Variants in ASB13 observed in about 807,000 individuals in gnomAD.
The protein encoded by ASB13 is ankyrin repeat and SOCS box containing 13, also known as ankyrin repeat and SOCS box protein 13.
A neutral mutation model predicts 28.8 loss-of-function variants in ASB13; 33 were observed. The observed-to-expected ratio is 1.15, with a 90% CI of 0.87 to 1.53. The LOEUF is 1.53. Ranked by LOEUF, ASB13 falls within the 40% of genes most tolerant of loss-of-function variation. The probability of loss-of-function intolerance (pLI) is 0.00; values close to 1 mark genes in which losing one functional copy is unlikely to be tolerated. For missense variants in ASB13, 414 were observed against 390.1 expected (o/e 1.06, Z -0.52); for synonymous variants, 182 against 172.9 (o/e 1.05, Z -0.41).
chr10:5,647,745 TA>T (rs1025255755), intron 4 of ASB13, among the ~76,000 whole-genome samples: 4 of 152,162 alleles, frequency 2.6e-5, no homozygotes, highest in Admixed American at 2.6e-4. Flanking sequence ...GTGTTACAGA[TA>T]TGTAAACTGA....
In ASB13 at chr10:5,649,590, ATC is replaced by A. The variant is rs1447354892; in HGVS notation, c.383-488_383-487del. Among the ~76,000 whole-genome samples the A allele has an allele frequency of 1.3e-5, 2 of 149,262 alleles. No individual in the cohort carries two copies. The highest frequency in any genetic ancestry group is 3.0e-5 in the Non-Finnish European group (2 of 67,564). Reference sequence around the variant, plus strand: ...GCCCAGGATGGAATGCAGTGGTGCGATCTCAGCTCACTACAACCGCCATCTCC... The same window carrying A: ...GCCCAGGATGGAATGCAGTGGTGCGATCAGCTCACTACAACCGCCATCTCC... On this transcript the variant is annotated intron_variant, in intron 3 of 5. Coordinates refer to ENST00000357700, the MANE Select transcript of ASB13 (RefSeq NM_024701.4). The surrounding 1 kb of genome is among the most constrained non-coding windows in gnomAD (Gnocchi z 6.4).
At position 5,651,518 on chromosome 10, in the gene ASB13, A is replaced by G; in HGVS notation, c.232-155T>C. On this transcript the variant is annotated intron_variant, in intron 2 of 5. Coordinates refer to ENST00000357700, the MANE Select transcript of ASB13 (RefSeq NM_024701.4). This position sits in a 1 kb window ranked among gnomAD's most constrained non-coding sequence, Gnocchi z 5.1. ...AGGCAACGACACTGAAAGAGATAGCACGTGGCTGCGGAGCACCGACGGCCT... is the reference window on the plus strand; with the variant it reads ...AGGCAACGACACTGAAAGAGATAGCGCGTGGCTGCGGAGCACCGACGGCCT... 1 of 822,798 alleles carries G rather than the reference A, an allele frequency of 1.2e-6. No individual in the cohort carries two copies. Among genetic ancestry groups the G allele is most frequent in the Non-Finnish European group, 1.8e-6 (1 of 543,750 alleles). The allele number at this position is 822,798 out of a possible 1,614,324, so 51.0% of individuals were successfully genotyped here.
intron 1 of ASB13, among the ~76,000 whole-genome samples, chr10:5,662,728 G>A (rs771401993): frequency 8.0e-5 from 11 of 138,294 alleles, no homozygotes; most frequent in Non-Finnish European, 1.3e-4. Context: ...CACAAGTGAC[G>A]GTAAGGGAAT....
chr10:5,651,578 T>G lies in ASB13; in HGVS notation c.232-215A>C. On this transcript the variant is annotated intron_variant, in intron 2 of 5. Coordinates refer to ENST00000357700, the MANE Select transcript of ASB13 (RefSeq NM_024701.4). This position sits in a 1 kb window ranked among gnomAD's most constrained non-coding sequence, Gnocchi z 5.1. ...AGAAGTCATCTCGTTCAGGATTCTT[T>G]TCTCTCAGGGCAGGATAAGCTCAGC... is the stretch of plus-strand genomic sequence containing the variant. 1 of 538,680 alleles carries G rather than the reference T, an allele frequency of 1.9e-6. No individual in the cohort carries two copies. Among genetic ancestry groups the G allele is most frequent in the East Asian group, 3.4e-5 (1 of 29,020 alleles). 33.4% of individuals were successfully genotyped at this position (538,680 alleles called of 1,614,324 possible).
intron 4 of ASB13, among the ~76,000 whole-genome samples, chr10:5,643,305 T>C (rs1236931426): frequency 6.6e-6 from 1 of 152,188 alleles, no homozygotes; most frequent in Non-Finnish European, 1.5e-5. Context: ...ATTTTCTAGT[T>C]CCTCTAGCTC....
chr10:5,646,785 C>T (rs1017505283), intron 4 of ASB13, among the ~76,000 whole-genome samples: 2 of 152,098 alleles, frequency 1.3e-5, no homozygotes, highest in Non-Finnish European at 2.9e-5. Flanking sequence ...TACAACCACA[C>T]CAAACAGAAC....
rs544195096 is a variant in ASB13, at chr10:5,659,183, T to G, written c.44-6133A>C. Reference sequence around the variant, plus strand: ...CCCTGTGGTGGCAAGACGCCCCCCCTCCCCAATCCCTGCACCCTCTCCCTT... The same window carrying G: ...CCCTGTGGTGGCAAGACGCCCCCCCGCCCCAATCCCTGCACCCTCTCCCTT... On this transcript the variant is annotated intron_variant, in intron 1 of 5. Transcript: ENST00000357700. This position sits in a 1 kb window ranked among gnomAD's most constrained non-coding sequence, Gnocchi z 5.8. 1.3e-5 allele frequency among the ~76,000 whole-genome samples: 2 copies of G among 151,490 alleles called. No individual in the cohort carries two copies. Among genetic ancestry groups the G allele is most frequent in the African/African-American group, 4.9e-5 (2 of 41,222 alleles).
rs770008036 is a variant in ASB13, at chr10:5,652,061, C to CAA, written c.232-700_232-699dup. Among the ~76,000 whole-genome samples the CAA allele has an allele frequency of 3.9e-5, 5 of 127,018 alleles. No individual in the cohort carries two copies. The highest frequency in any genetic ancestry group is 1.2e-4 in the African/African-American group (4 of 34,566). The allele number at this position is 127,018 out of a possible 152,430, so 83.3% of individuals were successfully genotyped here. A position where few individuals can be genotyped will look rare whatever the true frequency, so the allele number is the denominator to read the frequency against. ...ACACACACACACACACACACACACA[C>CAA]AAAACTCTAACCTCAATGGAAGGAA... On this transcript the variant is annotated intron_variant, in intron 2 of 5. Transcript: ENST00000357700. The surrounding 1 kb of genome is among the most constrained non-coding windows in gnomAD (Gnocchi z 5.0).
In ASB13 at chr10:5,659,833, G is replaced by A. The variant is rs1227723382; in HGVS notation, c.43+6676C>T. ...CTGAATGAATAAGCACTCCCCAGACGCATCTTCCCCTGCCAGACTGAACTT... is the reference window on the plus strand; with the variant it reads ...CTGAATGAATAAGCACTCCCCAGACACATCTTCCCCTGCCAGACTGAACTT... On this transcript the variant is annotated intron_variant, in intron 1 of 5. Coordinates refer to ENST00000357700, the MANE Select transcript of ASB13 (RefSeq NM_024701.4). The surrounding 1 kb of genome is among the most constrained non-coding windows in gnomAD (Gnocchi z 5.8). 2.6e-5 allele frequency among the ~76,000 whole-genome samples: 4 copies of A among 152,110 alleles called. No homozygotes were observed. Among genetic ancestry groups the A allele is most frequent in the Non-Finnish European group, 5.9e-5 (4 of 68,002 alleles).
Position 5,659,454 on chromosome 10 carries a change from G to C in ASB13, c.44-6404C>G, listed in dbSNP as rs752349155. On this transcript the variant is annotated intron_variant, in intron 1 of 5. Coordinates refer to ENST00000357700, the MANE Select transcript of ASB13 (RefSeq NM_024701.4). The surrounding 1 kb of genome is among the most constrained non-coding windows in gnomAD (Gnocchi z 5.8). ...CACAGGCCCTGTCCCCAGGCTCCCC[G>C]TCATGCACACAGCCGTGTCCAGTGA... Among the ~76,000 whole-genome samples, 9 of 152,218 alleles carry C rather than the reference G, an allele frequency of 5.9e-5. No homozygotes were observed. Among genetic ancestry groups the C allele is most frequent in the African/African-American group, 2.2e-4 (9 of 41,524 alleles).
rs5013753 is a variant in ASB13, at chr10:5,664,668, A to C, written c.43+1841T>G. On this transcript the variant is annotated intron_variant, in intron 1 of 5. Transcript: ENST00000357700. This position sits in a 1 kb window ranked among gnomAD's most constrained non-coding sequence, Gnocchi z 4.2. ...TCCATAGGGAATGCAGAATTTCTTT[A>C]TTTCTTTATTTATTTATTTTATTTA... is the stretch of plus-strand genomic sequence containing the variant. Among the ~76,000 whole-genome samples the C allele has an allele frequency of 0.068, 10,366 of 152,018 alleles. 491 individuals carry two copies. The highest frequency in any genetic ancestry group is 0.17 in the Admixed American group (2,604 of 15,258).
Position 5,641,304 on chromosome 10 carries a change from G to T in ASB13, c.709+466C>A, listed in dbSNP as rs1188095652. On this transcript the variant is annotated intron_variant, in intron 5 of 5. Transcript: ENST00000357700. This position sits in a 1 kb window ranked among gnomAD's most constrained non-coding sequence, Gnocchi z 8.4. ...TTTAGTAGAGATGGGGTTTCATCAA[G>T]TTGGCCAGGCTGGTTTCGAACTCCT... 6.6e-6 allele frequency among the ~76,000 whole-genome samples: 1 copy of T among 152,104 alleles called. No individual in the cohort carries two copies. The highest frequency in any genetic ancestry group is 1.5e-5 in the Non-Finnish European group (1 of 68,020).
At position 5,664,503 on chromosome 10, in the gene ASB13, G is replaced by C. The variant is rs1226945812; in HGVS notation, c.43+2006C>G. On this transcript the variant is annotated intron_variant, in intron 1 of 5. Transcript: ENST00000357700. This position sits in a 1 kb window ranked among gnomAD's most constrained non-coding sequence, Gnocchi z 4.2. ...TCCCCACATAGCAAGTGGCTCAGCT[G>C]CAATATTCACAGTCACAATAATGTC... 2.2e-5 allele frequency among the ~76,000 whole-genome samples: 3 copies of C among 137,814 alleles called. No homozygotes were observed. The highest frequency in any genetic ancestry group is 7.8e-5 in the African/African-American group (3 of 38,428). The allele number at this position is 137,814 out of a possible 152,430, so 90.4% of individuals were successfully genotyped here.
rs1835146965 is a variant in ASB13, at chr10:5,660,771, C to T, written c.43+5738G>A. ...CAAGCCCCCCAATCTTGCATTCCAG[C>T]TCCAGTAACTCAATCCTTACCTAAG... On this transcript the variant is annotated intron_variant, in intron 1 of 5. Transcript: ENST00000357700. The surrounding 1 kb of genome is among the most constrained non-coding windows in gnomAD (Gnocchi z 6.1). Among the ~76,000 whole-genome samples the T allele has an allele frequency of 6.6e-6, 1 of 152,216 alleles. No individual in the cohort carries two copies. The highest frequency in any genetic ancestry group is 1.5e-5 in the Non-Finnish European group (1 of 68,028).
Position 5,656,263 on chromosome 10 carries a change from G to A in ASB13, c.44-3213C>T, listed in dbSNP as rs983981975. On this transcript the variant is annotated intron_variant, in intron 1 of 5. Coordinates refer to ENST00000357700, the MANE Select transcript of ASB13 (RefSeq NM_024701.4). This position sits in a 1 kb window ranked among gnomAD's most constrained non-coding sequence, Gnocchi z 4.3. Reference sequence around the variant, plus strand: ...TAAAACCAATTATAAAGTCTGACTGGTCAAGGTGGTTCAAGCCTGTAATCC... The same window carrying A: ...TAAAACCAATTATAAAGTCTGACTGATCAAGGTGGTTCAAGCCTGTAATCC... Among the ~76,000 whole-genome samples, 7 of 152,232 alleles carry A rather than the reference G, an allele frequency of 4.6e-5. No individual in the cohort carries two copies. Among genetic ancestry groups the A allele is most frequent in the African/African-American group, 1.7e-4 (7 of 41,456 alleles).
In ASB13 at chr10:5,639,157, G is replaced by A. The variant is rs1173467527; in HGVS notation, c.*1546C>T. 8 of 152,612 alleles carry A rather than the reference G, an allele frequency of 5.2e-5. No individual in the cohort carries two copies. The highest frequency in any genetic ancestry group is 1.9e-4 in the East Asian group (1 of 5,192). 9.5% of individuals were successfully genotyped at this position (152,612 alleles called of 1,614,324 possible). A position where few individuals can be genotyped will look rare whatever the true frequency, so the allele number is the denominator to read the frequency against. ...GAACGCTGGAGTAAAACCTCACGGCGGCCAGCATGAAGTTTTTCGCCAGAT... is the reference window on the plus strand; with the variant it reads ...GAACGCTGGAGTAAAACCTCACGGCAGCCAGCATGAAGTTTTTCGCCAGAT... On this transcript the variant is annotated 3_prime_UTR_variant, in exon 6 of 6. Transcript: ENST00000357700.
chr10:5,654,113 G>GGAC (rs1309062811), intron 1 of ASB13, among the ~76,000 whole-genome samples: 2 of 151,264 alleles, frequency 1.3e-5, no homozygotes, highest in Non-Finnish European at 2.9e-5. Flanking sequence ...TCACCTTTAA[G>GGAC]GACGATGTTA....
At position 5,642,941 on chromosome 10, in the gene ASB13, T is replaced by C. The variant is rs1834833295; in HGVS notation, c.518-980A>G. ...TGCAACACACTAAAAAAAATTTTGATAAAAATATGATTTTTGTAACACATC... is the reference window on the plus strand; with the variant it reads ...TGCAACACACTAAAAAAAATTTTGACAAAAATATGATTTTTGTAACACATC... On this transcript the variant is annotated intron_variant, in intron 4 of 5. Coordinates refer to ENST00000357700, the MANE Select transcript of ASB13 (RefSeq NM_024701.4). The surrounding 1 kb of genome is among the most constrained non-coding windows in gnomAD (Gnocchi z 4.1). Among the ~76,000 whole-genome samples, 1 of 152,176 alleles carries C rather than the reference T, an allele frequency of 6.6e-6. No individual in the cohort carries two copies. Among genetic ancestry groups the C allele is most frequent in the Non-Finnish European group, 1.5e-5 (1 of 68,042 alleles).
rs1186564138 is a variant in ASB13, at chr10:5,644,032, G to A, written c.518-2071C>T. Among the ~76,000 whole-genome samples, 1 of 152,170 alleles carries A rather than the reference G, an allele frequency of 6.6e-6. No homozygotes were observed. Among genetic ancestry groups the A allele is most frequent in the Non-Finnish European group, 1.5e-5 (1 of 68,034 alleles). On this transcript the variant is annotated intron_variant, in intron 4 of 5. Transcript: ENST00000357700. The surrounding 1 kb of genome is among the most constrained non-coding windows in gnomAD (Gnocchi z 5.1). ...TGTGTTTGGCATCATTTGATTGGGT[G>A]GAAGGGAAGGAAGGTGAATAAGGAA...
Sources: gnomAD v4.1 joint callset for allele counts (sites outside exome capture counted in the v4.1 genomes callset) on GRCh38, gnomAD v4.1.1 for gene constraint, Gnocchi (gnomAD v3.1) non-coding constraint, MANE v1.5 for transcripts, NCBI Gene and HGNC (gene_info 2026-07-23, HGNC 2026-07-21) for gene names.